KBTBD2: variants seen among roughly 807,000 people sequenced by gnomAD.
KBTBD2 encodes kelch repeat and BTB domain containing 2, also known as kelch repeat and BTB domain-containing protein 2.
KBTBD2 carries 17 observed loss-of-function variants against 57.1 expected under a neutral mutation model. That is an observed-to-expected ratio of 0.30 (90% CI 0.20 to 0.45). KBTBD2 has a LOEUF of 0.45. KBTBD2 is among the 20% of genes least tolerant of loss of function. KBTBD2 has a pLI of 1.00. For missense variants in KBTBD2, 515 were observed against 750.6 expected, an observed-to-expected ratio of 0.69 and a Z score of 3.67; for synonymous variants, 267 against 262.7, an observed-to-expected ratio of 1.02 and a Z score of -0.16.
intron 3 of KBTBD2, among the ~76,000 whole-genome samples, chr7:32,872,466 G>A (rs1583773570): frequency 2.6e-5 from 4 of 152,192 alleles, no homozygotes; most frequent in Admixed American, 2.6e-4. Context: ...GAGTGCCTGA[G>A]CTCAAGAGTT....
rs1472299310 is a variant in KBTBD2 at position 32,889,641 on chromosome 7, GTTAT to G, written c.-339+1891_-339+1894del. 7.2e-5 allele frequency among the ~76,000 whole-genome samples: 11 copies of G among 152,246 alleles called. No individual in the cohort carries two copies. In the East Asian group the frequency reaches 1.5e-3, roughly 21 times the overall value. ...ATCAACCTGTCATTTCTAATACTGA[GTTAT>G]TTAAGTATCAGTTGGTCTATTCAAA... On this transcript the variant is annotated intron_variant, in intron 1 of 3. Coordinates refer to ENST00000304056, the MANE Select transcript of KBTBD2 (RefSeq NM_015483.3).
intron 1 of KBTBD2, among the ~76,000 whole-genome samples, chr7:32,880,658 C>G (rs1327080743): frequency 6.6e-5 from 10 of 151,976 alleles, no homozygotes; most frequent in Admixed American, 2.0e-4. Flanking sequence ...AATACAAATC[C>G]AATCTAAATC....
At chr7:32,877,636 A>G (rs928552960) in intron 2 of KBTBD2, among the ~76,000 whole-genome samples, 3 of 152,206 alleles carry the variant, frequency 2.0e-5, no homozygotes, top group African/African-American at 7.2e-5. Context: ...CACTTGTGAA[A>G]AGCTCAAATT....
At chr7:32,875,185 T>C (rs765357073) in intron 2 of KBTBD2, 28 bp from the exon 3 acceptor site, 2 of 1,603,498 alleles carry the variant, frequency 1.2e-6, no homozygotes, top group South Asian at 2.2e-5. Flanking sequence ...AAAACAAAGT[T>C]GTAAGGGTTT....
chr7:32,890,207 C>T (rs995864829), intron 1 of KBTBD2, among the ~76,000 whole-genome samples: 3 of 152,148 alleles, frequency 2.0e-5, no homozygotes, highest in Non-Finnish European at 4.4e-5. Flanking sequence ...AGAAAACAAC[C>T]TCTTGAGGAT....
chr7:32,879,806 G>C lies in KBTBD2; in HGVS notation c.-202C>G. 4.1e-6 allele frequency: 2 copies of C among 481,958 alleles called. No homozygotes were observed. The highest frequency in any genetic ancestry group is 7.3e-6 in the Non-Finnish European group (2 of 275,220). The allele number at this position is 481,958 out of a possible 1,614,324, so 29.9% of individuals were successfully genotyped here. Reference sequence around the variant, plus strand: ...CTCCTAGGTCATCCTGTGTTAATTAGGTTCTTCAGAGTTTTTCAACACAGT... The same window carrying C: ...CTCCTAGGTCATCCTGTGTTAATTACGTTCTTCAGAGTTTTTCAACACAGT... On this transcript the variant is annotated 5_prime_UTR_variant, in exon 2 of 4. Coordinates refer to ENST00000304056, the MANE Select transcript of KBTBD2 (RefSeq NM_015483.3).
At chr7:32,883,249 A>G (rs1784487102) in intron 1 of KBTBD2, among the ~76,000 whole-genome samples, 1 of 152,066 alleles carries the variant, frequency 6.6e-6, no homozygotes, top group African/African-American at 2.4e-5. Context: ...ATGGTGGCTC[A>G]TGCCTGTAAT....
Position 32,870,276 on chromosome 7 carries a change from G to A in KBTBD2, c.941C>T (p.Pro314Leu). The A allele has an allele frequency of 6.2e-7, 1 of 1,614,086 alleles. No individual in the cohort carries two copies. The highest frequency in any genetic ancestry group is 8.5e-7 in the Non-Finnish European group (1 of 1,180,016). Residue 314 changes from proline to leucine, a missense_variant, in exon 4 of 4, where the codon CCT (proline) becomes CTT (leucine). Transcript: ENST00000304056. Reference sequence around the variant, plus strand: ...CCCTGCTATGTAGATATCATTATCAGGAGTTACAACGGTCCCAACCTTATG... The same window carrying A: ...CCCTGCTATGTAGATATCATTATCAAGAGTTACAACGGTCCCAACCTTATG... ...DLHKVGTVVT[P>L]DNDIYIAGGQ... is the part of the protein sequence containing the mutation.
chr7:32,887,989 C>G (rs1389464704), intron 1 of KBTBD2, among the ~76,000 whole-genome samples: 2 of 152,200 alleles, frequency 1.3e-5, no homozygotes, highest in Non-Finnish European at 2.9e-5. Context: ...ACTGGTGAAG[C>G]TTTTGCAGCA....
In KBTBD2 at chr7:32,869,685, A is replaced by AT; in HGVS notation, c.1531dup (p.Met511AsnfsTer8). 6.2e-7 allele frequency: 1 copy of AT among 1,614,122 alleles called. No homozygotes were observed. Among genetic ancestry groups the AT allele is most frequent in the Non-Finnish European group, 8.5e-7 (1 of 1,180,004 alleles). On this transcript the variant is annotated frameshift_variant, in exon 4 of 4. Coordinates refer to ENST00000304056, the MANE Select transcript of KBTBD2 (RefSeq NM_015483.3). LOFTEE classifies it high-confidence loss of function. ...CCTCTTAGCAGGGATGTTGGCTGCC[A>AT]TTTTCCACTCATTTTTATTCACATC...
chr7:32,876,761 G>C (rs1281048540), intron 2 of KBTBD2, among the ~76,000 whole-genome samples: 1 of 152,108 alleles, frequency 6.6e-6, no homozygotes, highest in Non-Finnish European at 1.5e-5. Flanking sequence ...CTCGACACTA[G>C]CCTGGCCAAC....
At chr7:32,885,802 G>A (rs963201251) in intron 1 of KBTBD2, among the ~76,000 whole-genome samples, 4 of 152,030 alleles carry the variant, frequency 2.6e-5, no homozygotes, top group Non-Finnish European at 5.9e-5. Context: ...TTTAAGTCCT[G>A]CGCTCAATTC....
chr7:32,886,151 C>T (rs924319674), intron 1 of KBTBD2, among the ~76,000 whole-genome samples: 5 of 152,132 alleles, frequency 3.3e-5, no homozygotes, highest in Admixed American at 2.6e-4. Flanking sequence ...CTCAGGTGAT[C>T]TGCCTGCCTC....
chr7:32,870,377 A>G lies in KBTBD2; in HGVS notation c.840T>C (p.Cys280=). The change falls in exon 4 of 4, where the codon TGT becomes TGC. Residue 280 remains cysteine, a synonymous_variant. Coordinates refer to ENST00000304056, the MANE Select transcript of KBTBD2 (RefSeq NM_015483.3). Reference sequence around the variant, plus strand: ...TGTAACAGACAGAAGAGTAAAGACTACAAGGATTTTCTGAAGATGCTTCAA... The same window carrying G: ...TGTAACAGACAGAAGAGTAAAGACTGCAAGGATTTTCTGAAGATGCTTCAA... The part of the protein sequence containing the change: ...IFIEASSENP[C]SLYSSVCYSP... The G allele has an allele frequency of 6.2e-7, 1 of 1,613,568 alleles. No homozygotes were observed. Among genetic ancestry groups the G allele is most frequent in the Non-Finnish European group, 8.5e-7 (1 of 1,179,812 alleles).
intron 1 of KBTBD2, among the ~76,000 whole-genome samples, chr7:32,881,107 A>C (rs1784435492): frequency 6.6e-6 from 1 of 152,084 alleles, no homozygotes; most frequent in South Asian, 2.1e-4. Context: ...TCTCAAAAAA[A>C]AAAAAAAAGA....
chr7:32,870,945 T>C, intron 3 of KBTBD2, 65 bp from the exon 4 acceptor site: 1 of 914,240 alleles, frequency 1.1e-6, no homozygotes, highest in Middle Eastern at 2.5e-4. Context: ...TACTTTTATG[T>C]AAGACGTAAG....
Position 32,889,817 on chromosome 7 carries a change from A to C in KBTBD2, c.-339+1719T>G, listed in dbSNP as rs62467369. Among the ~76,000 whole-genome samples the C allele has an allele frequency of 3.3e-5, 5 of 152,182 alleles. No individual in the cohort carries two copies. In the South Asian group the frequency reaches 1.0e-3, roughly 32 times the overall value. Reference sequence around the variant, plus strand: ...GAGGGGAAGGGGGACTCTTTTCTAAATGTGTAACATTTTTGGAAAAACCAA... The same window carrying C: ...GAGGGGAAGGGGGACTCTTTTCTAACTGTGTAACATTTTTGGAAAAACCAA... On this transcript the variant is annotated intron_variant, in intron 1 of 3. Coordinates refer to ENST00000304056, the MANE Select transcript of KBTBD2 (RefSeq NM_015483.3).
Position 32,869,642 on chromosome 7 carries a change from AAC to A in KBTBD2, c.1573_1574del (p.Val525Ter). The A allele has an allele frequency of 6.2e-7, 1 of 1,614,140 alleles. No individual in the cohort carries two copies. Among genetic ancestry groups the A allele is most frequent in the Non-Finnish European group, 8.5e-7 (1 of 1,180,020 alleles). ...IPAKRYSDPC[V>X]RAVVISNSLC... The stretch of plus-strand genomic sequence containing the variant: ...GAGAATTTGAGATCACAACAGCTCT[AAC>A]ACAGGGGTCAGAGTACCTCTTAGCA... On this transcript the variant is annotated frameshift_variant, in exon 4 of 4. Coordinates refer to ENST00000304056, the MANE Select transcript of KBTBD2 (RefSeq NM_015483.3). LOFTEE classifies it high-confidence loss of function.
At chr7:32,878,834 A>C (rs868709913) in intron 2 of KBTBD2, among the ~76,000 whole-genome samples, 51 of 152,210 alleles carry the variant, frequency 3.4e-4, no homozygotes, top group African/African-American at 1.2e-3. Flanking sequence ...AAAAATGTAA[A>C]GTTAAGCTTT....
Sources: gnomAD v4.1 joint callset for allele counts (sites outside exome capture counted in the v4.1 genomes callset) on GRCh38, gnomAD v4.1.1 for gene constraint, MANE v1.5 for transcripts, NCBI Gene and HGNC (gene_info 2026-07-23, HGNC 2026-07-21) for gene names.